The following NEDD4L variants were observed in gnomAD, a reference collection of about 807,000 sequenced individuals.
NEDD4L encodes the protein NEDD4 like E3 ubiquitin protein ligase, also known as E3 ubiquitin-protein ligase NEDD4-like.
In NEDD4L, 54 loss-of-function variants were observed where a neutral mutation model predicts 148.9. That is an observed-to-expected ratio of 0.36 (90% CI 0.29 to 0.45). The LOEUF (loss-of-function observed/expected upper bound fraction) is 0.45, where lower values mean the gene tolerates loss of function less well. Ranked by LOEUF, NEDD4L falls within the 20% of genes least tolerant of loss-of-function variation. The probability of loss-of-function intolerance (pLI) is 1.00; values close to 1 mark genes in which losing one functional copy is unlikely to be tolerated. For missense variants in NEDD4L, 856 were observed against 1,233.8 expected (o/e 0.69, Z 4.59); for synonymous variants, 433 against 440.7 (o/e 0.98, Z 0.22).
chr18:58,177,764 T>C (rs560106840), intron 2 of NEDD4L, among the ~76,000 whole-genome samples: 9 of 152,386 alleles, frequency 5.9e-5, no homozygotes, highest in Admixed American at 2.6e-4. Context: ...GTATTGCCAA[T>C]GTTGTATTAC....
chr18:58,201,896 C>A (rs1407489082), intron 2 of NEDD4L, among the ~76,000 whole-genome samples: 1 of 152,172 alleles, frequency 6.6e-6, no homozygotes, highest in Admixed American at 6.5e-5. Context: ...CTTTTTATAA[C>A]TCTGTGCTAT....
intron 2 of NEDD4L, among the ~76,000 whole-genome samples, chr18:58,237,825 G>T (rs568151357): frequency 1.1e-4 from 16 of 152,280 alleles, no homozygotes; most frequent in African/African-American, 3.9e-4. Context: ...TCTCCCAGGG[G>T]TCTCTGTGAC....
rs1157655797 is a variant in NEDD4L at position 58,256,177 on chromosome 18, C to T, written c.297+4123C>T. The T allele has an allele frequency of 4.9e-6, 6 of 1,217,228 alleles. No individual in the cohort carries two copies. Among genetic ancestry groups the T allele is most frequent in the Non-Finnish European group, 2.0e-6 (2 of 978,960 alleles). The allele number at this position is 1,217,228 out of a possible 1,614,324, so 75.4% of individuals were successfully genotyped here. A position where few individuals can be genotyped will look rare whatever the true frequency, so the allele number is the denominator to read the frequency against. ...GCCGCCGCGTGCGGTGCTCCGGCCC[C>T]GTGGACTGCGCGGAGGAGGCTGCCC... On this transcript the variant is annotated intron_variant, in intron 5 of 30. Transcript: ENST00000400345. The surrounding 1 kb of genome is among the most constrained non-coding windows in gnomAD (Gnocchi z 5.2).
chr18:58,195,504 C>G lies in NEDD4L; in HGVS notation c.122+29643C>G, dbSNP rs899826078. 2.2e-6 allele frequency: 3 copies of G among 1,344,422 alleles called. No individual in the cohort carries two copies. The African/African-American group carries it at 4.4e-5, about 20-fold the overall frequency. 83.3% of individuals were successfully genotyped at this position (1,344,422 alleles called of 1,614,324 possible). ...CGCGCGAGGGTGCCCGGGTGGGTGG[C>G]TGCGCAGGGCCCTACCTGGGCGGGA... On this transcript the variant is annotated intron_variant, in intron 2 of 30. Coordinates refer to ENST00000400345, the MANE Select transcript of NEDD4L (RefSeq NM_001144967.3).
At chr18:58,124,781 A>T (rs574595264) in intron 1 of NEDD4L, among the ~76,000 whole-genome samples, 43 of 152,368 alleles carry the variant, frequency 2.8e-4, no homozygotes, top group African/African-American at 7.7e-4. Context: ...ATTCAATAAT[A>T]ATCACTAACA....
intron 1 of NEDD4L, among the ~76,000 whole-genome samples, chr18:58,108,959 A>G (rs2085247099): frequency 6.6e-6 from 1 of 152,232 alleles, no homozygotes; most frequent in Non-Finnish European, 1.5e-5. Flanking sequence ...TGTCTTTCCC[A>G]TGATAGGCAC....
intron 24 of NEDD4L, among the ~76,000 whole-genome samples, chr18:58,378,878 G>A (rs1335773758): frequency 6.6e-6 from 1 of 152,214 alleles, no homozygotes; most frequent in African/African-American, 2.4e-5. Flanking sequence ...TGTGGGAATC[G>A]GGTTGTTAAC....
At chr18:58,234,975 C>T (rs986856900) in intron 2 of NEDD4L, among the ~76,000 whole-genome samples, 1 of 151,946 alleles carries the variant, frequency 6.6e-6, no homozygotes, top group Non-Finnish European at 1.5e-5. Flanking sequence ...AGAATCAAGT[C>T]AGATTTTGCA....
chr18:58,229,817 C>T (rs975693912), intron 2 of NEDD4L, among the ~76,000 whole-genome samples: 9 of 152,032 alleles, frequency 5.9e-5, no homozygotes, highest in African/African-American at 2.2e-4. Context: ...TGGTGAAACC[C>T]CGTCTCTACT....
intron 8 of NEDD4L, among the ~76,000 whole-genome samples, chr18:58,323,909 G>A (rs536456570): frequency 2.2e-4 from 33 of 151,990 alleles, no homozygotes; most frequent in Non-Finnish European, 4.1e-4. Context: ...CACACACCTC[G>A]GCCAGTGCTG....
chr18:58,254,639 T>G (rs1407830364), intron 5 of NEDD4L, among the ~76,000 whole-genome samples: 4 of 152,022 alleles, frequency 2.6e-5, no homozygotes, highest in Non-Finnish European at 5.9e-5. Context: ...GTTTTTTGGT[T>G]GATGTTTTCT....
intron 18 of NEDD4L, among the ~76,000 whole-genome samples, chr18:58,353,473 G>A (rs1360992017): frequency 6.6e-6 from 1 of 152,208 alleles, no homozygotes; most frequent in Non-Finnish European, 1.5e-5. Context: ...TTTAAGAAAA[G>A]GATTTGTTTA....
At chr18:58,357,370 A>G (rs2044819993) in intron 19 of NEDD4L, 118 bp downstream of exon 19, 3 of 936,480 alleles carry the variant, frequency 3.2e-6, no homozygotes, top group Admixed American at 1.7e-5. Context: ...GTAGTTGACT[A>G]GAAACAGAGC....
intron 1 of NEDD4L, among the ~76,000 whole-genome samples, chr18:58,096,236 A>G (rs916056121): frequency 6.6e-5 from 10 of 151,976 alleles, no homozygotes; most frequent in Non-Finnish European, 1.5e-4. Flanking sequence ...TGGGAAAACT[A>G]TTTTTGAATA....
Position 58,256,201 on chromosome 18 carries a change from C to T in NEDD4L, c.297+4147C>T, listed in dbSNP as rs1382830744. On this transcript the variant is annotated intron_variant, in intron 5 of 30. Coordinates refer to ENST00000400345, the MANE Select transcript of NEDD4L (RefSeq NM_001144967.3). This position sits in a 1 kb window ranked among gnomAD's most constrained non-coding sequence, Gnocchi z 5.2. ...CCGTGGACTGCGCGGAGGAGGCTGCCCCGGGCCTGCGCATCCAGCACCGCG... is the reference window on the plus strand; with the variant it reads ...CCGTGGACTGCGCGGAGGAGGCTGCTCCGGGCCTGCGCATCCAGCACCGCG... The T allele has an allele frequency of 5.2e-5, 64 of 1,219,064 alleles. No individual in the cohort carries two copies. Among genetic ancestry groups the T allele is most frequent in the Non-Finnish European group, 6.5e-5 (64 of 980,002 alleles). The allele number at this position is 1,219,064 out of a possible 1,614,324, so 75.5% of individuals were successfully genotyped here.
At chr18:58,282,409 A>G (rs1374255970) in intron 5 of NEDD4L, among the ~76,000 whole-genome samples, 1 of 152,226 alleles carries the variant, frequency 6.6e-6, no homozygotes, top group Non-Finnish European at 1.5e-5. Context: ...ACTGCGAGCA[A>G]TTTAAATGAA....
In NEDD4L at chr18:58,082,079, A is replaced by AATATATACACACACATAT. The variant is rs1378443130; in HGVS notation, c.48+37378_48+37379insCACACACATATATATATA. ...TTTTTATTCTAATTGCTTTCTGATGAATATATATATATATATATATATATT... is the reference window on the plus strand; with the variant it reads ...TTTTTATTCTAATTGCTTTCTGATGAATATATACACACACATATATATATATATATATATATATATATT... On this transcript the variant is annotated intron_variant, in intron 1 of 30. Coordinates refer to ENST00000400345, the MANE Select transcript of NEDD4L (RefSeq NM_001144967.3). Among the ~76,000 whole-genome samples, 19 of 89,948 alleles carry AATATATACACACACATAT rather than the reference A, an allele frequency of 2.1e-4. 1 individual carries two copies. Among genetic ancestry groups the AATATATACACACACATAT allele is most frequent in the African/African-American group, 9.2e-4 (16 of 17,374 alleles). 59.0% of individuals were successfully genotyped at this position (89,948 alleles called of 152,430 possible).
chr18:58,134,967 A>G (rs1324832451), intron 1 of NEDD4L, among the ~76,000 whole-genome samples: 4 of 152,170 alleles, frequency 2.6e-5, no homozygotes, highest in African/African-American at 9.7e-5. Context: ...AAGCGAAGGA[A>G]CATTCTAGAA....
intron 2 of NEDD4L, among the ~76,000 whole-genome samples, chr18:58,222,451 C>A (rs1255751396): frequency 6.6e-6 from 1 of 152,052 alleles, no homozygotes; most frequent in Non-Finnish European, 1.5e-5. Context: ...AAGTCAAAGC[C>A]CAGAACATAT....
Sources: allele counts gnomAD v4.1 joint callset (sites outside exome capture counted in the v4.1 genomes callset), GRCh38; gene constraint gnomAD v4.1.1; non-coding constraint Gnocchi (gnomAD v3.1); transcripts MANE v1.5; gene names NCBI Gene and HGNC (gene_info 2026-07-23, HGNC 2026-07-21).